SH3D19: variants seen among roughly 807,000 people sequenced by gnomAD.
The protein encoded by SH3D19 is SH3 domain-containing protein 19.
A neutral mutation model predicts 112.1 loss-of-function variants in SH3D19; 58 were observed. The observed-to-expected ratio is 0.52, with a 90% CI of 0.42 to 0.64. The LOEUF (loss-of-function observed/expected upper bound fraction) is 0.64. SH3D19 is among the 30% of genes least tolerant of loss of function. The pLI, the probability that SH3D19 is intolerant of heterozygous loss-of-function variation, is 0.00. For synonymous variants in SH3D19, 391 were observed against 448.5 expected, an observed-to-expected ratio of 0.87 and a Z score of 1.62; for missense variants, 1,090 against 1,263.4, an observed-to-expected ratio of 0.86 and a Z score of 2.08.
In SH3D19 at chr4:151,175,618, G is replaced by T; in HGVS notation, c.586C>A (p.Leu196Ile). Residue 196 changes from leucine (L) to isoleucine (I), a missense_variant, in exon 7 of 20, where the codon CTT becomes ATT. Transcript: ENST00000604030. The stretch of plus-strand genomic sequence containing the variant: ...ATTAAAGGTGCCACATTTGTTGGAA[G>T]ATTGCCAGACGAGACTGCTGAGAAA... ...QPFSAVSSGN[L>I]PTNVAPLIVF... The T allele has an allele frequency of 7.6e-7, 1 of 1,316,110 alleles. No individual in the cohort carries two copies. The highest frequency in any genetic ancestry group is 9.6e-7 in the Non-Finnish European group (1 of 1,039,224). 81.5% of individuals were successfully genotyped at this position (1,316,110 alleles called of 1,614,324 possible).
At chr4:151,194,003 T>C (rs1286594701) in intron 2 of SH3D19, among the ~76,000 whole-genome samples, 1 of 151,068 alleles carries the variant, frequency 6.6e-6, no homozygotes, top group Non-Finnish European at 1.5e-5. Flanking sequence ...TGTGTAGCAG[T>C]ATAGTAGGAT....
At chr4:151,222,208 C>T (rs79407422) in intron 2 of SH3D19, among the ~76,000 whole-genome samples, 2,759 of 152,290 alleles carry the variant, frequency 0.018, 89 homozygotes, top group African/African-American at 0.063. Context: ...TTCTGTCCTC[C>T]CTCTGGGACT....
At chr4:151,127,794 G>T in intron 18 of SH3D19, 79 bp from the exon 19 acceptor site, 1 of 755,176 alleles carries the variant, frequency 1.3e-6, no homozygotes. Context: ...AAAAAAAAAC[G>T]CTTATCGCTC....
chr4:151,180,698 G>C (rs1023426867), intron 3 of SH3D19, among the ~76,000 whole-genome samples: 1 of 150,672 alleles, frequency 6.6e-6, no homozygotes, highest in African/African-American at 2.4e-5. Context: ...GAGCCACTGC[G>C]CCCGACACAT....
rs747421132 is a variant in SH3D19, at chr4:151,174,974, A to G, written c.1230T>C (p.Asp410=). The part of the protein sequence containing the change: ...PGRGPLAESS[D]SGKKVPTPAP... Reference sequence around the variant, plus strand: ...CAGGAGTTGGCACTTTCTTCCCACTATCAGAGCTCTCAGCCAGGGGCCCTC... The same window carrying G: ...CAGGAGTTGGCACTTTCTTCCCACTGTCAGAGCTCTCAGCCAGGGGCCCTC... Residue 410 remains aspartate (D), a synonymous_variant, in exon 7 of 20, where the codon GAT becomes GAC. Transcript: ENST00000604030. 2 of 1,614,198 alleles carry G rather than the reference A, an allele frequency of 1.2e-6. No homozygotes were observed. The highest frequency in any genetic ancestry group is 2.2e-5 in the East Asian group (1 of 44,890).
At chr4:151,237,012 C>T (rs1267770949) in intron 1 of SH3D19, among the ~76,000 whole-genome samples, 1 of 152,230 alleles carries the variant, frequency 6.6e-6, no homozygotes, top group East Asian at 1.9e-4. Context: ...AAGTCCCCTT[C>T]CATACTGTGG....
Position 151,187,419 on chromosome 4 carries a change from T to C in SH3D19, c.193+4A>G. 8.2e-7 allele frequency: 1 copy of C among 1,226,358 alleles called. No homozygotes were observed. Among genetic ancestry groups the C allele is most frequent in the Non-Finnish European group, 1.0e-6 (1 of 982,746 alleles). 76.0% of individuals were successfully genotyped at this position (1,226,358 alleles called of 1,614,324 possible). On this transcript the variant is annotated splice_donor_region_variant and intron_variant, in intron 3 of 19. Coordinates refer to ENST00000604030, the MANE Select transcript of SH3D19 (RefSeq NM_001378122.1). ...AAATACAGAGAAGGAAAAAACAAAC[T>C]TACATCTCTTGATTACCGCTCTAAT...
Position 151,122,042 on chromosome 4 carries a change from G to A in SH3D19, c.*49C>T. ...CAAAAACATATCTGATAGTCAAGGT[G>A]ATAGTTCAAGTGAGTTCTTGTGCCA... On this transcript the variant is annotated 3_prime_UTR_variant, in exon 20 of 20. Transcript: ENST00000604030. 1 of 885,708 alleles carries A rather than the reference G, an allele frequency of 1.1e-6. No homozygotes were observed. The highest frequency in any genetic ancestry group is 1.9e-6 in the Non-Finnish European group (1 of 537,148). 54.9% of individuals were successfully genotyped at this position (885,708 alleles called of 1,614,324 possible). A position where few individuals can be genotyped will look rare whatever the true frequency, so the allele number is the denominator to read the frequency against.
At chr4:151,237,108 C>T (rs999682434) in intron 1 of SH3D19, among the ~76,000 whole-genome samples, 12 of 152,072 alleles carry the variant, frequency 7.9e-5, no homozygotes, top group Non-Finnish European at 1.5e-5. Flanking sequence ...GTAACATGCA[C>T]CGCGAAAGTC....
chr4:151,238,796 T>A (rs1161182302), intron 1 of SH3D19, among the ~76,000 whole-genome samples: 1 of 152,022 alleles, frequency 6.6e-6, no homozygotes, highest in African/African-American at 2.4e-5. Context: ...CAAGAAGAGG[T>A]AAAGCCACAG....
chr4:151,267,181 A>AAAG (rs772097276), intron 1 of SH3D19, among the ~76,000 whole-genome samples: 1 of 143,114 alleles, frequency 7.0e-6, no homozygotes, highest in Admixed American at 6.9e-5. Context: ...AATAAATAAA[A>AAAG]TAAATTAGTC....
intron 2 of SH3D19, among the ~76,000 whole-genome samples, chr4:151,194,016 A>ATTTTTTTTTTTTTTTTT (rs201719037): frequency 2.7e-5 from 3 of 111,894 alleles, no homozygotes; most frequent in African/African-American, 1.3e-4. Context: ...AGTAGGATTA[A>ATTTTTTTTTTTTTTTTT]TTTTTTTTTT....
At chr4:151,140,980 T>C (rs2149760364) in intron 12 of SH3D19, 1 of 152,366 alleles carries the variant, frequency 6.6e-6, no homozygotes. Flanking sequence ...AACTGAAATA[T>C]AACTTAAGAC....
intron 13 of SH3D19, among the ~76,000 whole-genome samples, chr4:151,138,536 GA>G (rs1406647450): frequency 3.6e-4 from 53 of 146,674 alleles, no homozygotes; most frequent in Non-Finnish European, 5.4e-4. Context: ...ATGTCCCTAG[GA>G]AAAAAAAAAA....
chr4:151,203,038 C>T (rs977308066), intron 2 of SH3D19, among the ~76,000 whole-genome samples: 8 of 152,070 alleles, frequency 5.3e-5, no homozygotes, highest in African/African-American at 1.7e-4. Flanking sequence ...TGGAGACAAA[C>T]GAGGAAAGAG....
chr4:151,125,051 TTTTC>T (rs10658828), intron 19 of SH3D19, among the ~76,000 whole-genome samples: 92 of 151,442 alleles, frequency 6.1e-4, no homozygotes, highest in African/African-American at 1.9e-3. Flanking sequence ...AAGGCAACAG[TTTTC>T]TTTCTTTCTT....
At chr4:151,297,362 C>A (rs1050263933) in intron 1 of SH3D19, among the ~76,000 whole-genome samples, 1 of 152,178 alleles carries the variant, frequency 6.6e-6, no homozygotes, top group Admixed American at 6.5e-5. Context: ...ACTTTGTGTG[C>A]CATTCTTATG....
chr4:151,279,847 C>T, intron 1 of SH3D19: 5 of 1,605,396 alleles, frequency 3.1e-6, no homozygotes, highest in Non-Finnish European at 4.3e-6. Context: ...CAGGATGCTG[C>T]TGCAGGGCGC....
intron 2 of SH3D19, among the ~76,000 whole-genome samples, chr4:151,224,324 G>A (rs1238197138): frequency 1.3e-5 from 2 of 151,906 alleles, no homozygotes; most frequent in African/African-American, 4.8e-5. Flanking sequence ...AAAAAAAAAA[G>A]TATGATCTAG....
Sources: gnomAD v4.1 joint callset for allele counts (sites outside exome capture counted in the v4.1 genomes callset) on GRCh38, gnomAD v4.1.1 for gene constraint, MANE v1.5 for transcripts, NCBI Gene and HGNC (gene_info 2026-07-23, HGNC 2026-07-21) for gene names.